Variants in SUGCT observed in about 807,000 individuals in gnomAD.
SUGCT encodes succinyl-CoA:glutarate CoA-transferase.
SUGCT carries 41 observed loss-of-function variants against 55.0 expected under a neutral mutation model. That is an observed-to-expected ratio of 0.74 (90% CI 0.58 to 0.97). The LOEUF (loss-of-function observed/expected upper bound fraction) is 0.97. Among genes scored for constraint, SUGCT ranks in the 50% least tolerant of loss-of-function variants. The pLI is 0.00. For synonymous variants in SUGCT, 187 were observed against 200.4 expected (o/e 0.93, Z 0.56); for missense variants, 568 against 547.8 (o/e 1.04, Z -0.37).
rs140674619 is a variant in SUGCT at position 40,823,986 on chromosome 7, G to A, written c.1154-36330G>A. Among the ~76,000 whole-genome samples the A allele has an allele frequency of 1.9e-3, 293 of 152,154 alleles. 2 individuals carry two copies. Among genetic ancestry groups the A allele is most frequent in the Middle Eastern group, 6.8e-3 (2 of 292 alleles). On this transcript the variant is annotated intron_variant, in intron 13 of 13. Coordinates refer to ENST00000335693, the MANE Select transcript of SUGCT (RefSeq NM_001193313.2). ...AGGGATAAAAAATGAATAAGCACTG[G>A]TTCTTTTCCTAAAAGAACTCACACT...
intron 9 of SUGCT, among the ~76,000 whole-genome samples, chr7:40,399,270 A>C (rs979746970): frequency 6.6e-6 from 1 of 152,222 alleles, no homozygotes; most frequent in African/African-American, 2.4e-5. Context: ...CAAGGAAAAA[A>C]AATGTTGGAA....
intron 13 of SUGCT, among the ~76,000 whole-genome samples, chr7:40,848,535 C>G (rs1217502932): frequency 6.6e-6 from 1 of 151,804 alleles, no homozygotes; most frequent in Non-Finnish European, 1.5e-5. Context: ...GTGGATAACA[C>G]TGATGACTAT....
the SUGCT span, among the ~76,000 whole-genome samples, chr7:40,877,236 C>T: frequency 3.9e-5 from 6 of 152,212 alleles, no homozygotes; most frequent in South Asian, 1.2e-3. Flanking sequence ...ATGTAATAAA[C>T]AATTTAGCAA....
intron 1 of SUGCT, among the ~76,000 whole-genome samples, chr7:40,161,745 A>G (rs764442088): frequency 7.9e-5 from 12 of 152,062 alleles, no homozygotes; most frequent in Non-Finnish European, 1.3e-4. Flanking sequence ...TGGACAGCTA[A>G]CTTCAGGATG....
the SUGCT span, among the ~76,000 whole-genome samples, chr7:40,917,497 T>C: frequency 5.3e-5 from 8 of 152,204 alleles, no homozygotes; most frequent in African/African-American, 9.7e-5. Context: ...CCTCTCCTTT[T>C]GTGACCACAT....
chr7:40,902,301 G>A, the SUGCT span, among the ~76,000 whole-genome samples: 15 of 152,030 alleles, frequency 9.9e-5, no homozygotes, highest in Non-Finnish European at 1.8e-4. Flanking sequence ...AAAACCAGCC[G>A]GGTGTGGTGG....
intron 9 of SUGCT, among the ~76,000 whole-genome samples, chr7:40,324,246 TAA>T (rs1491233167): frequency 2.7e-5 from 3 of 111,232 alleles, no homozygotes; most frequent in African/African-American, 9.9e-5. Context: ...AATAAATAAA[TAA>T]ATAAATATAT....
intron 2 of SUGCT, among the ~76,000 whole-genome samples, chr7:40,181,402 C>T (rs1288770541): frequency 1.3e-5 from 2 of 152,064 alleles, no homozygotes; most frequent in Non-Finnish European, 2.9e-5. Context: ...TCCTTGTACA[C>T]AAATGTTTCC....
intron 8 of SUGCT, among the ~76,000 whole-genome samples, chr7:40,296,980 A>G (rs1472512036): frequency 1.3e-5 from 2 of 152,184 alleles, no homozygotes; most frequent in Non-Finnish European, 2.9e-5. Context: ...CATTCACTAA[A>G]TGGGAATAAT....
intron 11 of SUGCT, among the ~76,000 whole-genome samples, chr7:40,470,202 C>T (rs930635131): frequency 1.3e-5 from 2 of 152,020 alleles, no homozygotes; most frequent in African/African-American, 2.4e-5. Flanking sequence ...CTGGTTTGCT[C>T]CTCGGACTCC....
At chr7:40,609,436 G>A (rs1798671086) in intron 12 of SUGCT, among the ~76,000 whole-genome samples, 2 of 151,648 alleles carry the variant, frequency 1.3e-5, no homozygotes, top group Non-Finnish European at 2.9e-5. Flanking sequence ...GCGTGGTGGC[G>A]GGCACCTGAC....
At chr7:40,937,811 A>G in the SUGCT span, among the ~76,000 whole-genome samples, 1 of 152,084 alleles carries the variant, frequency 6.6e-6, no homozygotes, top group Admixed American at 6.6e-5. Context: ...TGTGTTTTAT[A>G]CACTAACGGT....
At chr7:40,761,514 G>A (rs565877294) in intron 13 of SUGCT, among the ~76,000 whole-genome samples, 1 of 152,296 alleles carries the variant, frequency 6.6e-6, no homozygotes, top group South Asian at 2.1e-4. Context: ...ACCACAAAAT[G>A]ACCCTTTTGT....
chr7:40,594,421 G>A (rs79135099), intron 12 of SUGCT, among the ~76,000 whole-genome samples: 3,820 of 151,168 alleles, frequency 0.025, 156 homozygotes, highest in African/African-American at 0.089. Flanking sequence ...AAATGTGATC[G>A]CCCTTCCTTT....
chr7:41,004,172 C>T, the SUGCT span, among the ~76,000 whole-genome samples: 1 of 152,164 alleles, frequency 6.6e-6, no homozygotes, highest in African/African-American at 2.4e-5. Context: ...AGAGGCAGAG[C>T]ATGTTAAATG....
At chr7:40,670,547 TA>T (rs1365511052) in intron 12 of SUGCT, among the ~76,000 whole-genome samples, 1 of 152,084 alleles carries the variant, frequency 6.6e-6, no homozygotes, top group Non-Finnish European at 1.5e-5. Flanking sequence ...AATCTGACAT[TA>T]AAAAAATTTT....
chr7:40,544,240 T>C (rs989973168), intron 12 of SUGCT, among the ~76,000 whole-genome samples: 3 of 152,030 alleles, frequency 2.0e-5, no homozygotes, highest in African/African-American at 7.2e-5. Context: ...TACTTCCTTT[T>C]TCCTCCATAA....
At chr7:40,343,544 C>G (rs751279416) in intron 9 of SUGCT, among the ~76,000 whole-genome samples, 4 of 95,656 alleles carry the variant, frequency 4.2e-5, no homozygotes, top group African/African-American at 9.0e-5. Flanking sequence ...CCACCAAGAA[C>G]AGAATCCTTT....
Position 40,648,424 on chromosome 7 carries a change from G to A in SUGCT, c.1090-101010G>A, listed in dbSNP as rs16880239. 3.5e-3 allele frequency among the ~76,000 whole-genome samples: 533 copies of A among 152,220 alleles called. 9 individuals carry two copies. The highest frequency in any genetic ancestry group is 0.031 in the East Asian group (159 of 5,182). On this transcript the variant is annotated intron_variant, in intron 12 of 13. Transcript: ENST00000335693. ...TTGTCATATATTTAAATTGCTTCCA[G>A]TTGTTTTCAGGTATATACCTTTTGA...
Sources: allele counts gnomAD v4.1 joint callset (sites outside exome capture counted in the v4.1 genomes callset), GRCh38; gene constraint gnomAD v4.1.1; transcripts MANE v1.5; gene names NCBI Gene and HGNC (gene_info 2026-07-23, HGNC 2026-07-21).